Variants in CPED1 observed in about 807,000 individuals in gnomAD.
CPED1 encodes cadherin-like and PC-esterase domain-containing protein 1.
A neutral mutation model predicts 128.2 loss-of-function variants in CPED1; 114 were observed. The ratio of observed to expected loss-of-function variants is 0.89; its 90% confidence interval spans 0.76 to 1.04. CPED1 has a LOEUF of 1.04. Ranked by LOEUF, CPED1 falls within the 50% of genes least tolerant of loss-of-function variation. The pLI is 0.00. For missense variants in CPED1, 1,211 were observed against 1,207.1 expected (o/e 1.00, Z -0.05); for synonymous variants, 462 against 426.7 (o/e 1.08, Z -1.02).
chr7:121,121,196 G>T (rs1302284582), intron 7 of CPED1, among the ~76,000 whole-genome samples: 1 of 152,036 alleles, frequency 6.6e-6, no homozygotes, highest in Non-Finnish European at 1.5e-5. Flanking sequence ...AGGACACCTT[G>T]GGAAAGATAT....
chr7:121,128,840 C>A (rs891265900), intron 11 of CPED1, among the ~76,000 whole-genome samples: 2 of 152,138 alleles, frequency 1.3e-5, no homozygotes, highest in East Asian at 1.9e-4. Flanking sequence ...TGCTTATTAT[C>A]CCCTTGTTAT....
chr7:121,016,790 T>G (rs527470389), intron 3 of CPED1, among the ~76,000 whole-genome samples: 47 of 152,354 alleles, frequency 3.1e-4, no homozygotes, highest in African/African-American at 1.1e-3. Context: ...CAGATTTTTC[T>G]CTTTATGATT....
rs2116813573 is a variant in CPED1, at chr7:121,015,680, G to GAGAA, written c.268_269insAAGA (p.Thr90LysfsTer42). On this transcript the variant is annotated frameshift_variant, in exon 3 of 23. Transcript: ENST00000310396. LOFTEE classifies it high-confidence loss of function. ...CTTTTCTTAGGTCAAAGAATCAATGGAGACACACTTTGGCAGCCATGGCCG... is the reference window on the plus strand; with the variant it reads ...CTTTTCTTAGGTCAAAGAATCAATGGAGAAAGACACACTTTGGCAGCCATGGCCG... 6.3e-7 allele frequency: 1 copy of GAGAA among 1,599,684 alleles called. No individual in the cohort carries two copies. Among genetic ancestry groups the GAGAA allele is most frequent in the African/African-American group, 1.4e-5 (1 of 73,940 alleles).
chr7:121,069,542 A>G (rs1793937731), intron 5 of CPED1, among the ~76,000 whole-genome samples: 1 of 152,132 alleles, frequency 6.6e-6, no homozygotes, highest in African/African-American at 2.4e-5. Flanking sequence ...ACGTAAGGCT[A>G]ACACAGTCTG....
At chr7:121,130,374 T>G in intron 12 of CPED1, 80 bp downstream of exon 12, 2 of 1,216,494 alleles carry the variant, frequency 1.6e-6, no homozygotes, top group South Asian at 3.1e-5. Flanking sequence ...TTTGCCTATG[T>G]TAAAGCAAGC....
At chr7:120,990,430 A>G (rs575990518) in intron 2 of CPED1, among the ~76,000 whole-genome samples, 4 of 152,224 alleles carry the variant, frequency 2.6e-5, no homozygotes, top group Non-Finnish European at 4.4e-5. Flanking sequence ...GATACAATGT[A>G]TTTTATTGTT....
chr7:121,122,631 C>T (rs1795417896), intron 7 of CPED1, among the ~76,000 whole-genome samples: 1 of 152,140 alleles, frequency 6.6e-6, no homozygotes. Flanking sequence ...GACCTTTTTA[C>T]CTCTAGAGTC....
intron 22 of CPED1, among the ~76,000 whole-genome samples, chr7:121,292,897 A>G (rs1170612028): frequency 3.3e-5 from 5 of 152,076 alleles, no homozygotes; most frequent in African/African-American, 9.7e-5. Flanking sequence ...TGGAAGCTTC[A>G]TCCCAGAGGG....
At chr7:121,040,427 G>C (rs1168357440) in intron 3 of CPED1, among the ~76,000 whole-genome samples, 1 of 152,070 alleles carries the variant, frequency 6.6e-6, no homozygotes, top group Non-Finnish European at 1.5e-5. Flanking sequence ...CCTACATGAA[G>C]AGTGCAGAGT....
chr7:121,250,252 A>C (rs948154980), intron 18 of CPED1, among the ~76,000 whole-genome samples: 3 of 152,236 alleles, frequency 2.0e-5, no homozygotes, highest in East Asian at 3.9e-4. Context: ...AGGCAGAAAT[A>C]AAGATGTTCT....
At chr7:121,089,542 A>C (rs1300921944) in intron 5 of CPED1, among the ~76,000 whole-genome samples, 1 of 152,182 alleles carries the variant, frequency 6.6e-6, no homozygotes, top group Non-Finnish European at 1.5e-5. Context: ...TTTAAATTAG[A>C]ATTGACTTTC....
intron 16 of CPED1, among the ~76,000 whole-genome samples, chr7:121,167,555 T>C (rs568517135): frequency 1.3e-5 from 2 of 152,230 alleles, no homozygotes; most frequent in Non-Finnish European, 2.9e-5. Context: ...AAAGTCTGCT[T>C]GAGAAACTTA....
intron 22 of CPED1, among the ~76,000 whole-genome samples, chr7:121,273,839 AG>A (rs1004612841): frequency 1.3e-5 from 2 of 152,150 alleles, no homozygotes; most frequent in Admixed American, 1.3e-4. Context: ...TATTTGCAAA[AG>A]TCAAGACTTA....
intron 7 of CPED1, among the ~76,000 whole-genome samples, chr7:121,118,928 C>A (rs7778936): frequency 6.6e-6 from 1 of 152,006 alleles, no homozygotes; most frequent in Admixed American, 6.6e-5. Context: ...CCCCATGACC[C>A]AAACACTTCT....
chr7:121,194,270 TG>T (rs944666191), intron 16 of CPED1, among the ~76,000 whole-genome samples: 1 of 151,618 alleles, frequency 6.6e-6, no homozygotes, highest in African/African-American at 2.4e-5. Flanking sequence ...AGGCTGGTCT[TG>T]AACTCCTGAC....
chr7:121,271,122 A>G (rs571122779), intron 21 of CPED1, among the ~76,000 whole-genome samples, 162 bp from the exon 22 acceptor site: 4 of 152,220 alleles, frequency 2.6e-5, no homozygotes, highest in Admixed American at 2.6e-4. Context: ...GAGTAAAAAA[A>G]ATTAGAACAC....
At chr7:121,134,344 C>T (rs966742219) in intron 13 of CPED1, among the ~76,000 whole-genome samples, 3 of 151,932 alleles carry the variant, frequency 2.0e-5, no homozygotes, top group African/African-American at 7.2e-5. Flanking sequence ...GATAAAAACC[C>T]CATAATCTCA....
chr7:121,005,941 TG>T (rs1792001409), intron 2 of CPED1, among the ~76,000 whole-genome samples: 1 of 152,152 alleles, frequency 6.6e-6, no homozygotes, highest in African/African-American at 2.4e-5. Context: ...ACTTAATTAG[TG>T]TCAGCTGATC....
At chr7:121,095,648 G>A (rs1235452819) in intron 5 of CPED1, among the ~76,000 whole-genome samples, 2 of 151,986 alleles carry the variant, frequency 1.3e-5, no homozygotes, top group Non-Finnish European at 2.9e-5. Flanking sequence ...GATTCATGTG[G>A]AAATCTGACA....
Sources: gnomAD v4.1 joint callset for allele counts (sites outside exome capture counted in the v4.1 genomes callset) on GRCh38, gnomAD v4.1.1 for gene constraint, MANE v1.5 for transcripts, NCBI Gene and HGNC (gene_info 2026-07-23, HGNC 2026-07-21) for gene names.